ZFR: variants seen among roughly 807,000 people sequenced by gnomAD.
ZFR encodes zinc finger RNA-binding protein.
In ZFR, 19 loss-of-function variants were observed where a neutral mutation model predicts 130.7. That is an observed-to-expected ratio of 0.15 (90% CI 0.10 to 0.21). The LOEUF is 0.21. Among genes scored for constraint, ZFR ranks in the 10% least tolerant of loss-of-function variants. ZFR has a pLI of 1.00. For missense variants in ZFR, 872 were observed against 1,321.5 expected (o/e 0.66, Z 5.27); for synonymous variants, 466 against 456.9 (o/e 1.02, Z -0.25).
At chr5:32,364,326 C>CA (rs779463055) in intron 17 of ZFR, 51 bp from the exon 18 acceptor site, 1 of 1,417,616 alleles carries the variant, frequency 7.1e-7, no homozygotes, top group South Asian at 1.4e-5. Flanking sequence ...AGGAATTACT[C>CA]ATTTTCAAAC....
At chr5:32,401,610 T>C (rs966826329) in intron 8 of ZFR, among the ~76,000 whole-genome samples, 34 of 152,182 alleles carry the variant, frequency 2.2e-4, no homozygotes, top group African/African-American at 8.0e-4. Context: ...GGATGAGTTA[T>C]GAGGCTGGAA....
intron 11 of ZFR, among the ~76,000 whole-genome samples, chr5:32,390,775 C>T (rs1753150278): frequency 6.6e-6 from 1 of 152,196 alleles, no homozygotes; most frequent in African/African-American, 2.4e-5. Context: ...ACCTGAAGTG[C>T]ACAGATCAAC....
At chr5:32,415,525 C>CGCAT (rs1554073635) in intron 4 of ZFR, among the ~76,000 whole-genome samples, 2 of 133,756 alleles carry the variant, frequency 1.5e-5, no homozygotes, top group African/African-American at 5.9e-5. Flanking sequence ...TGCGCGCGCG[C>CGCAT]GCGCGCGCAC....
At chr5:32,380,862 C>A (rs1184490750) in intron 15 of ZFR, among the ~76,000 whole-genome samples, 1 of 151,514 alleles carries the variant, frequency 6.6e-6, no homozygotes, top group Admixed American at 6.6e-5. Flanking sequence ...GTTGGCCAGG[C>A]TGGTTTTTAA....
chr5:32,372,599 G>A (rs549522428), intron 17 of ZFR, among the ~76,000 whole-genome samples: 3 of 152,094 alleles, frequency 2.0e-5, no homozygotes, highest in African/African-American at 4.8e-5. Context: ...TTGGGAGGCC[G>A]AGGGGAGCAG....
chr5:32,441,615 G>C (rs981202949), intron 2 of ZFR, among the ~76,000 whole-genome samples: 1 of 151,900 alleles, frequency 6.6e-6, no homozygotes, highest in African/African-American at 2.4e-5. Context: ...TAGTAAAGTA[G>C]ACCTTGGTCT....
At chr5:32,397,474 G>T in intron 9 of ZFR, 136 bp from the exon 10 acceptor site, 1 of 1,136,926 alleles carries the variant, frequency 8.8e-7, no homozygotes, top group Non-Finnish European at 1.2e-6. Flanking sequence ...TTTTCCCCAG[G>T]ACAGAGTCTT....
intron 13 of ZFR, 53 bp downstream of exon 13, chr5:32,388,416 G>T: frequency 6.5e-7 from 1 of 1,530,802 alleles, no homozygotes; most frequent in Non-Finnish European, 9.0e-7. Flanking sequence ...AATGTAAGAA[G>T]TCCACATAAG....
In ZFR at chr5:32,397,299, T is replaced by G; in HGVS notation, c.1753A>C (p.Lys585Gln). The change falls in exon 10 of 20, where the codon AAA (lysine) becomes CAA (glutamine). Residue 585 changes from lysine to glutamine, a missense_variant. Around this residue, in one of 7 missense-constraint regions of ZFR, gnomAD observed 54 missense variants for 119.9 expected, o/e 0.45. Transcript: ENST00000265069. Reference sequence around the variant, plus strand: ...TCATTAAAGCTGCACTCGCATAATTTACAATGGAACCGAATTACTTTTCCT... The same window carrying G: ...TCATTAAAGCTGCACTCGCATAATTGACAATGGAACCGAATTACTTTTCCT... ...DEGKVIRFHC[K>Q]LCECSFNDPN... is the part of the protein sequence containing the mutation. The G allele has an allele frequency of 6.2e-7, 1 of 1,613,416 alleles. No homozygotes were observed. The highest frequency in any genetic ancestry group is 8.5e-7 in the Non-Finnish European group (1 of 1,179,692).
At chr5:32,400,558 T>G (rs75780932) in intron 8 of ZFR, among the ~76,000 whole-genome samples, 2,554 of 152,328 alleles carry the variant, frequency 0.017, 37 homozygotes, top group Non-Finnish European at 0.026. Context: ...TAAAAACTGC[T>G]AACTTCCAGT....
intron 1 of ZFR, 114 bp from the exon 2 acceptor site, chr5:32,444,442 C>T (rs1033072579): frequency 5.3e-6 from 7 of 1,332,216 alleles, no homozygotes; most frequent in Admixed American, 2.9e-5. Flanking sequence ...GCAGCCCTGG[C>T]GGGGCCCAGG....
At position 32,397,849 on chromosome 5, in the gene ZFR, C is replaced by CTTTTTTTTTTTTTT. The variant is rs70961626; in HGVS notation, c.1714-525_1714-512dup. ...TGATAGCATGTGTTTGCTCTTGTATCTTTTTTTTTTTTTTTTTTTTTTTTT... is the reference window on the plus strand; with the variant it reads ...TGATAGCATGTGTTTGCTCTTGTATCTTTTTTTTTTTTTTTTTTTTTTTTTTTTTTTTTTTTTTT... On this transcript the variant is annotated intron_variant, in intron 9 of 19. Coordinates refer to ENST00000265069, the MANE Select transcript of ZFR (RefSeq NM_016107.5). 1.6e-4 allele frequency among the ~76,000 whole-genome samples: 11 copies of CTTTTTTTTTTTTTT among 66,878 alleles called. 3 individuals carry two copies. Among genetic ancestry groups the CTTTTTTTTTTTTTT allele is most frequent in the African/African-American group, 2.5e-4 (4 of 15,910 alleles). 43.9% of individuals were successfully genotyped at this position (66,878 alleles called of 152,430 possible).
At chr5:32,374,458 G>A (rs1462566445) in intron 17 of ZFR, among the ~76,000 whole-genome samples, 2 of 152,002 alleles carry the variant, frequency 1.3e-5, no homozygotes, top group Non-Finnish European at 2.9e-5. Flanking sequence ...AGCCAAGAAA[G>A]CACTGCTGCA....
intron 15 of ZFR, among the ~76,000 whole-genome samples, chr5:32,384,866 A>G (rs1207668735): frequency 6.6e-6 from 1 of 152,140 alleles, no homozygotes; most frequent in Non-Finnish European, 1.5e-5. Context: ...GTGACTCACT[A>G]TCTACATTTA....
At chr5:32,432,763 C>A (rs939594678) in intron 2 of ZFR, among the ~76,000 whole-genome samples, 1 of 151,974 alleles carries the variant, frequency 6.6e-6, no homozygotes, top group African/African-American at 2.4e-5. Context: ...TTTTTTCACT[C>A]TGTCACCCAG....
At chr5:32,418,698 T>G (rs569666788) in intron 3 of ZFR, among the ~76,000 whole-genome samples, 2 of 152,338 alleles carry the variant, frequency 1.3e-5, no homozygotes, top group South Asian at 4.1e-4. Flanking sequence ...TGCCTAAAAT[T>G]AATAGCAAAT....
intron 17 of ZFR, among the ~76,000 whole-genome samples, chr5:32,369,265 G>A (rs561433361): frequency 4.3e-4 from 65 of 152,156 alleles, no homozygotes; most frequent in Non-Finnish European, 7.5e-4. Context: ...TATCATTTTA[G>A]AACTCTTTGT....
intron 1 of ZFR, 68 bp from the exon 2 acceptor site, chr5:32,444,396 G>A: frequency 6.7e-7 from 1 of 1,486,566 alleles, no homozygotes; most frequent in Non-Finnish European, 9.0e-7. Context: ...AGACGCCGAG[G>A]GAGGGCAGGG....
At chr5:32,420,923 C>T (rs1753942092) in intron 2 of ZFR, among the ~76,000 whole-genome samples, 1 of 152,166 alleles carries the variant, frequency 6.6e-6, no homozygotes, top group Non-Finnish European at 1.5e-5. Context: ...TACAAAGTTA[C>T]TTTTAAATAT....
Sources: allele counts gnomAD v4.1 joint callset (sites outside exome capture counted in the v4.1 genomes callset), GRCh38; gene constraint gnomAD v4.1.1; regional missense constraint gnomAD v4.1.1; transcripts MANE v1.5; gene names NCBI Gene and HGNC (gene_info 2026-07-23, HGNC 2026-07-21).